The following ADAM29 variants were observed in gnomAD, a reference collection of about 807,000 sequenced individuals.
ADAM29 encodes the protein disintegrin and metalloproteinase domain-containing protein 29.
For missense variants in ADAM29, 969 were observed against 1,001.8 expected (o/e 0.97, Z 0.44); for synonymous variants, 367 against 342.3 (o/e 1.07, Z -0.80).
intron 3 of ADAM29, among the ~76,000 whole-genome samples, chr4:174,933,876 A>G (rs929299715): frequency 1.3e-5 from 2 of 152,156 alleles, no homozygotes; most frequent in Non-Finnish European, 2.9e-5. Context: ...CCAGTTTACC[A>G]TTGATGGCAT....
chr4:174,970,093 C>T (rs1314069739), intron 4 of ADAM29, among the ~76,000 whole-genome samples: 3 of 151,888 alleles, frequency 2.0e-5, no homozygotes, highest in East Asian at 1.9e-4. Flanking sequence ...ACCCTACATT[C>T]CTGGAAGAAA....
intron 4 of ADAM29, among the ~76,000 whole-genome samples, chr4:174,963,849 G>A: frequency 6.6e-6 from 1 of 151,568 alleles, no homozygotes. Context: ...GCCCAGCTAA[G>A]TTTTGCATTT....
intron 4 of ADAM29, among the ~76,000 whole-genome samples, chr4:174,959,231 T>C (rs1745673714): frequency 1.3e-5 from 2 of 151,902 alleles, no homozygotes; most frequent in Admixed American, 1.3e-4. Context: ...TTTTTGTGGA[T>C]GTAGAATTCT....
At chr4:174,960,618 A>G (rs563562303) in intron 4 of ADAM29, among the ~76,000 whole-genome samples, 1 of 152,230 alleles carries the variant, frequency 6.6e-6, no homozygotes, top group Admixed American at 6.5e-5. Flanking sequence ...TTGCTCTATC[A>G]AATGCTTTGT....
chr4:174,927,308 T>A (rs991699324), intron 2 of ADAM29, among the ~76,000 whole-genome samples: 2 of 152,244 alleles, frequency 1.3e-5, no homozygotes, highest in South Asian at 4.1e-4. Context: ...CTTACACCTG[T>A]TGGTGCAATA....
At chr4:174,948,070 T>G (rs1417966563) in intron 4 of ADAM29, among the ~76,000 whole-genome samples, 1 of 152,224 alleles carries the variant, frequency 6.6e-6, no homozygotes, top group Non-Finnish European at 1.5e-5. Flanking sequence ...ACCTCCTGTA[T>G]AGTTTGTTTG....
Position 174,977,722 on chromosome 4 carries a change from C to T in ADAM29, c.2197C>T (p.Gln733Ter). 1.2e-6 allele frequency: 2 copies of T among 1,613,686 alleles called. No individual in the cohort carries two copies. Among genetic ancestry groups the T allele is most frequent in the Non-Finnish European group, 1.7e-6 (2 of 1,179,614 alleles). Residue 733 changes from glutamine (Q) to a stop codon, truncating the protein, a stop_gained, in exon 5 of 5, where the codon CAA becomes TAA. Transcript: ENST00000359240. LOFTEE classifies it low-confidence loss of function (END_TRUNC). ...ACCTCATGAGTTACCTCCCCAGAGTCAACCTTGGGTGATGCCTTCCCAGAG... is the reference window on the plus strand; with the variant it reads ...ACCTCATGAGTTACCTCCCCAGAGTTAACCTTGGGTGATGCCTTCCCAGAG... ...RRPHELPPQS[Q>*]PWVMPSQSQP... is the part of the protein sequence containing the mutation.
At chr4:174,953,102 C>T (rs1489938568) in intron 4 of ADAM29, among the ~76,000 whole-genome samples, 2 of 151,846 alleles carry the variant, frequency 1.3e-5, no homozygotes, top group South Asian at 2.1e-4. Flanking sequence ...CTGGCTAACA[C>T]GATGAAACCC....
chr4:174,969,352 A>G (rs878984416), intron 4 of ADAM29, among the ~76,000 whole-genome samples: 55 of 151,852 alleles, frequency 3.6e-4, no homozygotes, highest in Admixed American at 5.9e-4. Context: ...ACTTCTACAT[A>G]GGATGTCAGA....
At chr4:174,946,677 T>C (rs752745643) in intron 4 of ADAM29, among the ~76,000 whole-genome samples, 2 of 152,142 alleles carry the variant, frequency 1.3e-5, no homozygotes, top group Non-Finnish European at 2.9e-5. Flanking sequence ...TTTGCATCTA[T>C]GTTCATCAAG....
chr4:174,976,361 C>T lies in ADAM29; in HGVS notation c.836C>T (p.Pro279Leu). ...YCKWKSENIT[P>L]RMQHDTSHLF... ...AAGTGGAAGTCGGAGAACATTACGC[C>T]CCGGATGCAACATGACACCTCACAT... Residue 279 changes from proline (P) to leucine (L), a missense_variant, in exon 5 of 5, where the codon CCC (proline) becomes CTC (leucine). Pro to Leu is a moderately conservative substitution (Grantham distance 98). Coordinates refer to ENST00000359240, the MANE Select transcript of ADAM29 (RefSeq NM_014269.4). 6.2e-7 allele frequency: 1 copy of T among 1,605,566 alleles called. No individual in the cohort carries two copies. Among genetic ancestry groups the T allele is most frequent in the Non-Finnish European group, 8.5e-7 (1 of 1,176,784 alleles).
intron 4 of ADAM29, among the ~76,000 whole-genome samples, chr4:174,949,848 C>T (rs549062355): frequency 1.3e-5 from 2 of 152,222 alleles, no homozygotes; most frequent in East Asian, 3.9e-4. Flanking sequence ...ACTTTCCTGT[C>T]CTTTTCCCTC....
chr4:174,960,441 TA>T (rs1159055779), intron 4 of ADAM29, among the ~76,000 whole-genome samples: 1 of 152,162 alleles, frequency 6.6e-6, no homozygotes, highest in Non-Finnish European at 1.5e-5. Flanking sequence ...TTCAGTTTTT[TA>T]AAAAGTATTT....
intron 4 of ADAM29, among the ~76,000 whole-genome samples, chr4:174,962,511 CA>C (rs578109941): frequency 0.06 from 3,795 of 63,512 alleles, 134 homozygotes; most frequent in African/African-American, 0.15. Flanking sequence ...GACTCCGTCA[CA>C]AAAAAAAAAA....
chr4:174,950,815 C>T (rs535790013), intron 4 of ADAM29, among the ~76,000 whole-genome samples: 2 of 152,086 alleles, frequency 1.3e-5, no homozygotes, highest in Admixed American at 6.5e-5. Context: ...CAGACGTCCC[C>T]CTTCTGTTCA....
At chr4:174,952,146 G>T (rs7696290) in intron 4 of ADAM29, among the ~76,000 whole-genome samples, 63,603 of 151,804 alleles carry the variant, frequency 0.42, 13,864 homozygotes, top group African/African-American at 0.54. Context: ...GCATTTTAAT[G>T]TATTAATTAA....
chr4:174,959,318 G>A (rs561347642), intron 4 of ADAM29, among the ~76,000 whole-genome samples: 13 of 151,824 alleles, frequency 8.6e-5, no homozygotes, highest in South Asian at 6.2e-4. Flanking sequence ...TTTTAGGGGC[G>A]AAGTCAGCTA....
chr4:174,968,156 G>A (rs994445817), intron 4 of ADAM29, among the ~76,000 whole-genome samples: 1 of 151,976 alleles, frequency 6.6e-6, no homozygotes, highest in Non-Finnish European at 1.5e-5. Flanking sequence ...TCTGAATTTT[G>A]TTTAGCTTTT....
chr4:174,932,818 C>A lies in ADAM29; in HGVS notation c.-262+1644C>A, dbSNP rs560870878. Among the ~76,000 whole-genome samples the A allele has an allele frequency of 3.3e-5, 5 of 152,218 alleles. No homozygotes were observed. The East Asian group carries it at 7.7e-4, about 24-fold the overall frequency. On this transcript the variant is annotated intron_variant, in intron 3 of 4. Transcript: ENST00000359240. ...AGATCTGGGAAAGCAGTTCTTTCGT[C>A]TCAAAATTAGCCACAGTATGGAACG...
Sources: gnomAD v4.1 joint callset for allele counts (sites outside exome capture counted in the v4.1 genomes callset) on GRCh38, gnomAD v4.1.1 for gene constraint, MANE v1.5 for transcripts, NCBI Gene and HGNC (gene_info 2026-07-23, HGNC 2026-07-21) for gene names.